The following CFAP57 variants were observed in gnomAD, a reference collection of about 807,000 sequenced individuals.
The protein encoded by CFAP57 is cilia and flagella associated protein 57, also known as cilia- and flagella-associated protein 57.
CFAP57 carries 116 observed loss-of-function variants against 146.8 expected under a neutral mutation model. The ratio of observed to expected loss-of-function variants is 0.79; its 90% CI spans 0.68 to 0.92. The LOEUF (loss-of-function observed/expected upper bound fraction) is 0.92. Ranked by LOEUF, CFAP57 falls within the 40% of genes least tolerant of loss-of-function variation. The pLI is 0.00. For missense variants in CFAP57, 1,377 were observed against 1,527.2 expected (o/e 0.90, Z 1.64); for synonymous variants, 518 against 552.8 (o/e 0.94, Z 0.88).
chr1:43,176,673 GACAA>G (rs1294647921), intron 2 of CFAP57, among the ~76,000 whole-genome samples: 2 of 152,132 alleles, frequency 1.3e-5, no homozygotes, highest in Non-Finnish European at 2.9e-5. Context: ...AGGGGAGAGT[GACAA>G]ACAAAATAAA....
intron 22 of CFAP57, among the ~76,000 whole-genome samples, chr1:43,253,711 G>A (rs1042231399): frequency 6.6e-6 from 1 of 152,094 alleles, no homozygotes; most frequent in Non-Finnish European, 1.5e-5. Flanking sequence ...GGGGGCCTCT[G>A]TGCAGGCGGA....
chr1:43,199,106 G>A (rs142725806), intron 8 of CFAP57, among the ~76,000 whole-genome samples: 135 of 152,270 alleles, frequency 8.9e-4, no homozygotes, highest in African/African-American at 3.0e-3. Context: ...TTACTTCCCC[G>A]GCTCTGAAAC....
intron 6 of CFAP57, among the ~76,000 whole-genome samples, chr1:43,195,211 G>C (rs997529542): frequency 7.2e-5 from 11 of 152,076 alleles, no homozygotes; most frequent in African/African-American, 2.7e-4. Flanking sequence ...CCAGGAATTT[G>C]ACCCCACAGA....
rs1415474594 is a variant in CFAP57 at position 43,222,998 on chromosome 1, G to A, written c.2706+1G>A. ...AGAAACAGGCATCATGAGGAAGAAG[G>A]TAGCAGGCTGTTCTCCAAGAGACCT... On this transcript the variant is annotated splice_donor_variant, in intron 16 of 22. Coordinates refer to ENST00000372492, the MANE Select transcript of CFAP57 (RefSeq NM_001378189.1). LOFTEE classifies it high-confidence loss of function. 2 of 1,547,062 alleles carry A rather than the reference G, an allele frequency of 1.3e-6. No homozygotes were observed. Among genetic ancestry groups the A allele is most frequent in the East Asian group, 2.4e-5 (1 of 40,890 alleles).
At chr1:43,217,127 AGT>A (rs1441408689) in intron 12 of CFAP57, among the ~76,000 whole-genome samples, 1 of 152,078 alleles carries the variant, frequency 6.6e-6, no homozygotes, top group African/African-American at 2.4e-5. Context: ...GGGATGAGGG[AGT>A]GGTGGTCTGC....
rs1429025438 is a variant in CFAP57, at chr1:43,226,965, C to T, written c.2866-18C>T. ...GGGCCTTACAATATCTCTCACTTCT[C>T]TCTCATCTCACCCCCAGGAGAAGCG... is the stretch of plus-strand genomic sequence containing the variant. On this transcript the variant is annotated intron_variant, in intron 17 of 22. Coordinates refer to ENST00000372492, the MANE Select transcript of CFAP57 (RefSeq NM_001378189.1). 6.7e-7 allele frequency: 1 copy of T among 1,488,158 alleles called. No individual in the cohort carries two copies. Among genetic ancestry groups the T allele is most frequent in the African/African-American group, 1.4e-5 (1 of 70,642 alleles). 92.2% of individuals were successfully genotyped at this position (1,488,158 alleles called of 1,614,324 possible).
chr1:43,185,424 C>A, intron 5 of CFAP57, 68 bp downstream of exon 5: 1 of 1,456,644 alleles, frequency 6.9e-7, no homozygotes, highest in Non-Finnish European at 9.6e-7. Context: ...AGCAGCAGTT[C>A]TCTGAGAAGG....
chr1:43,227,386 T>C (rs926482931), intron 18 of CFAP57, among the ~76,000 whole-genome samples: 21 of 152,196 alleles, frequency 1.4e-4, no homozygotes, highest in African/African-American at 4.1e-4. Context: ...CGTGCCTCAG[T>C]GTGCGGTGTA....
intron 18 of CFAP57, among the ~76,000 whole-genome samples, chr1:43,230,405 A>C (rs912039714): frequency 1.2e-4 from 19 of 152,152 alleles, no homozygotes; most frequent in Non-Finnish European, 2.8e-4. Context: ...TCTAAGATGC[A>C]AATTACATCA....
At chr1:43,202,650 G>T (rs1376775629) in intron 9 of CFAP57, among the ~76,000 whole-genome samples, 2 of 151,926 alleles carry the variant, frequency 1.3e-5, no homozygotes, top group African/African-American at 2.4e-5. Flanking sequence ...GGGTGTGGTG[G>T]CACACACCTG....
In CFAP57 at chr1:43,198,644, G is replaced by C. The variant is rs745797370; in HGVS notation, c.1426G>C (p.Glu476Gln). ...AGAATACTCTGTTAGAGGATGCGGA[G>C]AGGTAAAAAAAAAACTGCTGAAGAC... ...FKEYSVRGCGECSFSNGGHLF... is the reference protein window; with the variant it reads ...FKEYSVRGCGQCSFSNGGHLF... Residue 476 changes from glutamate to glutamine, a missense_variant and splice_region_variant, in exon 8 of 23, where the codon GAG (glutamate) becomes CAG (glutamine). Physicochemically the swap from Glu to Gln is conservative, Grantham distance 29 (BLOSUM62 2). Transcript: ENST00000372492. 65 of 1,601,778 alleles carry C rather than the reference G, an allele frequency of 4.1e-5. No homozygotes were observed. Among genetic ancestry groups the C allele is most frequent in the Non-Finnish European group, 4.3e-6 (5 of 1,174,256 alleles).
intron 21 of CFAP57, among the ~76,000 whole-genome samples, chr1:43,241,024 C>T (rs60790945): frequency 0.054 from 8,204 of 152,202 alleles, 412 homozygotes; most frequent in East Asian, 0.2. Context: ...TTAGCGTAGA[C>T]GGGGTTTCAC....
intron 8 of CFAP57, among the ~76,000 whole-genome samples, chr1:43,199,065 T>A (rs12058192): frequency 0.23 from 35,646 of 152,142 alleles, 4,553 homozygotes; most frequent in Middle Eastern, 0.3. Flanking sequence ...CCCTGAGGTG[T>A]CTTGCAGAAA....
intron 12 of CFAP57, among the ~76,000 whole-genome samples, chr1:43,217,014 C>T (rs1644859310): frequency 6.6e-6 from 1 of 152,238 alleles, no homozygotes; most frequent in South Asian, 2.1e-4. Context: ...GGGGAAGGAA[C>T]TTGGCTCAGG....
intron 6 of CFAP57, among the ~76,000 whole-genome samples, chr1:43,195,886 G>A (rs1343887962): frequency 1.3e-5 from 2 of 152,032 alleles, no homozygotes; most frequent in East Asian, 1.9e-4. Context: ...AGAAAGGAGC[G>A]AAATAAAATA....
chr1:43,206,847 A>G lies in CFAP57; in HGVS notation c.1670A>G (p.Tyr557Cys), dbSNP rs748296185. 3 of 1,614,202 alleles carry G rather than the reference A, an allele frequency of 1.9e-6. No individual in the cohort carries two copies. The East Asian group carries it at 6.7e-5, about 36-fold the overall frequency. ...GAATGCGTGCTCAAGTCTTGCAGCT[A>G]CAACTGTGTTACTGTCTCCCCCGAT... ...ETECVLKSCS[Y>C]NCVTVSPDAK... The change falls in exon 10 of 23, where the codon TAC (tyrosine) becomes TGC (cysteine). Residue 557 changes from tyrosine (Y) to cysteine (C), a missense_variant. Physicochemically the swap from Tyr to Cys is radical, Grantham distance 194 (BLOSUM62 -2). Transcript: ENST00000372492.
At position 43,180,218 on chromosome 1, in the gene CFAP57, ATATTT is replaced by A. The variant is rs1237437348; in HGVS notation, c.158-1312_158-1308del. ...TGAAACTCTATCTCAAAAAATATAT[ATATTT>A]TATATATATATATATAAAATATATA... On this transcript the variant is annotated intron_variant, in intron 2 of 22. Transcript: ENST00000372492. 1.2e-4 allele frequency among the ~76,000 whole-genome samples: 16 copies of A among 135,136 alleles called. 2 individuals carry two copies. Among genetic ancestry groups the A allele is most frequent in the African/African-American group, 4.8e-4 (16 of 33,004 alleles). 88.7% of individuals were successfully genotyped at this position (135,136 alleles called of 152,430 possible).
At chr1:43,180,925 G>T (rs549481389) in intron 2 of CFAP57, among the ~76,000 whole-genome samples, 11 of 152,060 alleles carry the variant, frequency 7.2e-5, no homozygotes, top group African/African-American at 2.7e-4. Flanking sequence ...TGCAGTTCCC[G>T]CACTATGCTG....
At position 43,234,748 on chromosome 1, in the gene CFAP57, G is replaced by A. The variant is rs1007126096; in HGVS notation, c.3405+110G>A. 125 of 1,335,958 alleles carry A rather than the reference G, an allele frequency of 9.4e-5. No individual in the cohort carries two copies. In the South Asian group the frequency reaches 2.0e-3, roughly 21 times the overall value. The allele number at this position is 1,335,958 out of a possible 1,614,324, so 82.8% of individuals were successfully genotyped here. ...GTCTTCAGGGCTCCCCAGGTGTCTG[G>A]GGGCCCAGTAGCTCCCCCTAAAGTC... On this transcript the variant is annotated intron_variant, in intron 21 of 22. Transcript: ENST00000372492.
Sources: gnomAD v4.1 joint callset for allele counts (sites outside exome capture counted in the v4.1 genomes callset) on GRCh38, gnomAD v4.1.1 for gene constraint, MANE v1.5 for transcripts, NCBI Gene and HGNC (gene_info 2026-07-23, HGNC 2026-07-21) for gene names.